DIS3L2: variants seen among roughly 807,000 people sequenced by gnomAD.
The protein encoded by DIS3L2 is DIS3-like exonuclease 2.
DIS3L2 carries 34 observed loss-of-function variants against 97.5 expected under a neutral mutation model. The ratio of observed to expected loss-of-function variants is 0.35; its 90% CI spans 0.27 to 0.46. The LOEUF (loss-of-function observed/expected upper bound fraction) is 0.46, where lower values mean the gene tolerates loss of function less well. DIS3L2 is among the 20% of genes least tolerant of loss of function. DIS3L2 has a pLI of 1.00. For missense variants in DIS3L2, 1,038 were observed against 1,146.0 expected (o/e 0.91, Z 1.36); for synonymous variants, 435 against 445.2 (o/e 0.98, Z 0.29).
In DIS3L2 at chr2:232,268,622, C is replaced by G; in HGVS notation, c.1659+5182C>G. On this transcript the variant is annotated intron_variant, in intron 13 of 20. Coordinates refer to ENST00000325385, the MANE Select transcript of DIS3L2 (RefSeq NM_152383.5). This position sits in a 1 kb window ranked among gnomAD's most constrained non-coding sequence, Gnocchi z 4.1. The stretch of plus-strand genomic sequence containing the variant: ...TGAGATTTGAATTTTATATAGTTTT[C>G]ACACATCACAAAATATTGTTCTTCC... 6.6e-6 allele frequency among the ~76,000 whole-genome samples: 1 copy of G among 152,198 alleles called. No homozygotes were observed. The highest frequency in any genetic ancestry group is 1.9e-4 in the East Asian group (1 of 5,202).
At chr2:232,207,606 A>G (rs572345383) in intron 9 of DIS3L2, among the ~76,000 whole-genome samples, 60 of 152,282 alleles carry the variant, frequency 3.9e-4, no homozygotes, top group African/African-American at 1.3e-3. Flanking sequence ...CGAAATATTT[A>G]GAGGGAGAGT....
chr2:232,316,772 T>C (rs985061438), intron 14 of DIS3L2, among the ~76,000 whole-genome samples: 1 of 152,256 alleles, frequency 6.6e-6, no homozygotes. Flanking sequence ...TATTATTGAA[T>C]TGTTCTTCTT....
intron 3 of DIS3L2, chr2:232,023,089 T>C (rs1345032599): frequency 2.6e-5 from 4 of 152,224 alleles, no homozygotes; most frequent in Middle Eastern, 3.2e-3. Context: ...CTAGGTCAGA[T>C]ACCATCTCTG....
intron 12 of DIS3L2, 66 bp from the exon 13 acceptor site, chr2:232,263,141 T>C (rs1250412200): frequency 6.6e-7 from 1 of 1,519,674 alleles, no homozygotes. Context: ...GATGAATGGC[T>C]GAAGGAAGAA....
rs372259747 is a variant in DIS3L2, at chr2:232,130,578, T to C, written c.602-41T>C. The C allele has an allele frequency of 4.4e-6, 7 of 1,584,042 alleles. No homozygotes were observed. The African/African-American group carries it at 9.5e-5, about 22-fold the overall frequency. On this transcript the variant is annotated intron_variant, in intron 6 of 20. Coordinates refer to ENST00000325385, the MANE Select transcript of DIS3L2 (RefSeq NM_152383.5). The stretch of plus-strand genomic sequence containing the variant: ...AAAATCCCACTAATTGATATGCATC[T>C]GGTTGATGACTCCTCTTCTCTCTTT...
At chr2:232,148,152 C>T (rs1168298535) in intron 8 of DIS3L2, among the ~76,000 whole-genome samples, 1 of 150,928 alleles carries the variant, frequency 6.6e-6, no homozygotes, top group Non-Finnish European at 1.5e-5. Flanking sequence ...TGGGTTCAAG[C>T]GATTCTCCTG....
At chr2:232,244,831 CAAAG>C (rs1407866590) in intron 11 of DIS3L2, among the ~76,000 whole-genome samples, 1 of 152,046 alleles carries the variant, frequency 6.6e-6, no homozygotes, top group Non-Finnish European at 1.5e-5. Context: ...AAGGAGCTAA[CAAAG>C]AGAGGTGAAA....
intron 9 of DIS3L2, among the ~76,000 whole-genome samples, chr2:232,167,848 G>A (rs1379963037): frequency 3.3e-5 from 5 of 152,234 alleles, no homozygotes; most frequent in East Asian, 1.9e-4. Context: ...TCAGGAGTTC[G>A]AGACCAGCCT....
chr2:232,128,756 G>A (rs940613744), intron 6 of DIS3L2, among the ~76,000 whole-genome samples: 3 of 152,004 alleles, frequency 2.0e-5, no homozygotes, highest in African/African-American at 7.2e-5. Flanking sequence ...AAGACCAGCC[G>A]ACAACTTTAC....
At position 232,060,855 on chromosome 2, in the gene DIS3L2, T is replaced by C. The variant is rs543291751; in HGVS notation, c.367-26632T>C. On this transcript the variant is annotated intron_variant, in intron 5 of 20. Coordinates refer to ENST00000325385, the MANE Select transcript of DIS3L2 (RefSeq NM_152383.5). Reference sequence around the variant, plus strand: ...TATCATCAGTGTTTTATAATATTTATTGCAGATGTCTTTTATTTCTTTGGT... The same window carrying C: ...TATCATCAGTGTTTTATAATATTTACTGCAGATGTCTTTTATTTCTTTGGT... Among the ~76,000 whole-genome samples, 4 of 152,350 alleles carry C rather than the reference T, an allele frequency of 2.6e-5. No homozygotes were observed. The South Asian group carries it at 8.3e-4, about 32-fold the overall frequency.
chr2:232,258,220 C>T (rs1250786471), intron 12 of DIS3L2, among the ~76,000 whole-genome samples: 1 of 152,144 alleles, frequency 6.6e-6, no homozygotes, highest in Non-Finnish European at 1.5e-5. Flanking sequence ...ACATTCTGAA[C>T]AGTGGTATTC....
At chr2:232,121,857 A>G (rs1697918116) in intron 6 of DIS3L2, among the ~76,000 whole-genome samples, 1 of 151,938 alleles carries the variant, frequency 6.6e-6, no homozygotes. Flanking sequence ...CCACTTCCCC[A>G]CTAGCATCTA....
At chr2:231,996,417 T>G (rs1441313130) in intron 1 of DIS3L2, among the ~76,000 whole-genome samples, 2 of 152,126 alleles carry the variant, frequency 1.3e-5, no homozygotes, top group East Asian at 3.8e-4. Context: ...GGTGAGGTCA[T>G]CAGAAGGAAG....
intron 6 of DIS3L2, among the ~76,000 whole-genome samples, chr2:232,111,670 C>T (rs189330233): frequency 1.3e-5 from 2 of 152,148 alleles, no homozygotes; most frequent in African/African-American, 2.4e-5. Flanking sequence ...TAAATAGCTA[C>T]ATGTGGTTAG....
At chr2:232,029,899 C>T in intron 4 of DIS3L2, 80 bp from the exon 5 acceptor site, 2 of 998,412 alleles carry the variant, frequency 2.0e-6, no homozygotes, top group Non-Finnish European at 3.0e-6. Context: ...TTTTCTATTT[C>T]AGTTATGAAA....
intron 6 of DIS3L2, among the ~76,000 whole-genome samples, chr2:232,095,728 C>T (rs1385964365): frequency 2.6e-5 from 4 of 152,132 alleles, no homozygotes; most frequent in African/African-American, 7.2e-5. Flanking sequence ...CTCCCTTTAG[C>T]GTTTCTTCTA....
At chr2:232,252,947 T>A (rs1045786321) in intron 12 of DIS3L2, among the ~76,000 whole-genome samples, 3 of 151,974 alleles carry the variant, frequency 2.0e-5, no homozygotes, top group African/African-American at 7.3e-5. Context: ...TGAAAAAAAA[T>A]AAAAAACAGA....
At chr2:232,187,912 G>A (rs144367778) in intron 9 of DIS3L2, among the ~76,000 whole-genome samples, 80 of 152,186 alleles carry the variant, frequency 5.3e-4, no homozygotes, top group African/African-American at 1.6e-3. Flanking sequence ...TGAGGCAGGC[G>A]GATCACTTCA....
chr2:232,197,967 TA>T (rs535772798), intron 9 of DIS3L2, among the ~76,000 whole-genome samples: 456 of 137,472 alleles, frequency 3.3e-3, no homozygotes, highest in Middle Eastern at 3.8e-3. Flanking sequence ...TCCATCTCAT[TA>T]AAAAAAAAAA....
Sources: gnomAD v4.1 joint callset for allele counts (sites outside exome capture counted in the v4.1 genomes callset) on GRCh38, gnomAD v4.1.1 for gene constraint, Gnocchi (gnomAD v3.1) non-coding constraint, MANE v1.5 for transcripts, NCBI Gene and HGNC (gene_info 2026-07-23, HGNC 2026-07-21) for gene names.